Variants in GLI3 observed in about 807,000 individuals in gnomAD.
GLI3 encodes the protein GLI family zinc finger 3.
Under a neutral mutation model 100.8 loss-of-function variants are expected in GLI3, and 20 were observed. That is an observed-to-expected ratio of 0.20 (90% CI 0.14 to 0.29). GLI3 has a LOEUF of 0.29. Among genes scored for constraint, GLI3 ranks in the 10% least tolerant of loss-of-function variants. GLI3 has a pLI of 1.00. For synonymous variants in GLI3, 938 were observed against 860.5 expected (o/e 1.09, Z -1.58); for missense variants, 2,040 against 2,128.5 (o/e 0.96, Z 0.82).
upstream of GLI3, among the ~76,000 whole-genome samples, chr7:42,238,230 G>A (rs906416497): frequency 1.3e-5 from 2 of 151,690 alleles, no homozygotes; most frequent in African/African-American, 4.8e-5. Context: ...CCCCAAATGC[G>A]CGCCCTGGCA....
In GLI3 at chr7:42,102,324, G is replaced by A. The variant is rs1489842671; in HGVS notation, c.368-25467C>T. Among the ~76,000 whole-genome samples the A allele has an allele frequency of 2.0e-5, 3 of 152,194 alleles. No individual in the cohort carries two copies. The East Asian group carries it at 5.8e-4, about 29-fold the overall frequency. On this transcript the variant is annotated intron_variant, in intron 3 of 14. Coordinates refer to ENST00000395925, the MANE Select transcript of GLI3 (RefSeq NM_000168.6). Reference sequence around the variant, plus strand: ...GGGTACCTGGCTCTGATAGCAGACGGCCTCTGCTGAAAGCCTGAGTCCTGA... The same window carrying A: ...GGGTACCTGGCTCTGATAGCAGACGACCTCTGCTGAAAGCCTGAGTCCTGA...
intron 1 of GLI3, among the ~76,000 whole-genome samples, chr7:42,250,701 T>C (rs2128710307): frequency 6.6e-6 from 1 of 152,156 alleles, no homozygotes; most frequent in African/African-American, 2.4e-5. Context: ...CCAACAACTC[T>C]AAAGAGAGGG....
intron 4 of GLI3, among the ~76,000 whole-genome samples, chr7:42,075,466 C>T (rs1784861505): frequency 6.6e-6 from 1 of 152,148 alleles, no homozygotes; most frequent in Non-Finnish European, 1.5e-5. Flanking sequence ...AATTACATGT[C>T]ATGTTTCAGG....
At chr7:42,125,011 C>T (rs917680973) in intron 3 of GLI3, among the ~76,000 whole-genome samples, 1 of 152,192 alleles carries the variant, frequency 6.6e-6, no homozygotes, top group Admixed American at 6.5e-5. Context: ...ATCCCTTCTA[C>T]AGCCAAGCTA....
At chr7:42,219,649 G>A (rs1372970743) in intron 2 of GLI3, among the ~76,000 whole-genome samples, 12 of 152,192 alleles carry the variant, frequency 7.9e-5, no homozygotes, top group Non-Finnish European at 1.5e-4. Context: ...AGGACATGCA[G>A]TGGAATGTGA....
intron 10 of GLI3, among the ~76,000 whole-genome samples, chr7:42,017,957 CA>C (rs909861897): frequency 1.3e-5 from 2 of 152,110 alleles, no homozygotes; most frequent in Non-Finnish European, 2.9e-5. Context: ...GGCTGTTTCA[CA>C]GTATGATAAG....
intron 2 of GLI3, among the ~76,000 whole-genome samples, chr7:42,173,532 C>T (rs973903374): frequency 3.9e-5 from 6 of 152,114 alleles, no homozygotes; most frequent in Non-Finnish European, 7.4e-5. Context: ...TAATATTCTC[C>T]AGTCATTTTT....
intron 13 of GLI3, among the ~76,000 whole-genome samples, chr7:41,971,847 C>T (rs1011806191): frequency 6.6e-6 from 1 of 152,206 alleles, no homozygotes; most frequent in African/African-American, 2.4e-5. Context: ...CCCGACTGAC[C>T]GGCAGTCCGT....
intron 3 of GLI3, among the ~76,000 whole-genome samples, chr7:42,104,097 C>T (rs1229543554): frequency 6.6e-6 from 1 of 152,060 alleles, no homozygotes; most frequent in Admixed American, 6.5e-5. Context: ...AGCATACTTA[C>T]GGTCTCCACT....
At chr7:42,233,958 T>C (rs1174939356) in intron 1 of GLI3, among the ~76,000 whole-genome samples, 1 of 152,108 alleles carries the variant, frequency 6.6e-6, no homozygotes, top group East Asian at 1.9e-4. Flanking sequence ...TGGCAGAAAA[T>C]TTACTGAATC....
At position 42,094,398 on chromosome 7, in the gene GLI3, T is replaced by C. The variant is rs373494892; in HGVS notation, c.368-17541A>G. ...CAGGTGGATCACTTGAGGTCCGGAG[T>C]TCAAGACCAGCCTGGACAACATGGT... On this transcript the variant is annotated intron_variant, in intron 3 of 14. Transcript: ENST00000395925. Among the ~76,000 whole-genome samples the C allele has an allele frequency of 5.9e-4, 89 of 150,710 alleles. 3 individuals carry two copies. In the South Asian group the frequency reaches 0.018, roughly 30 times the overall value.
chr7:42,034,147 T>C (rs1789371519), intron 7 of GLI3, among the ~76,000 whole-genome samples: 1 of 152,206 alleles, frequency 6.6e-6, no homozygotes, highest in African/African-American at 2.4e-5. Context: ...CATGTTAATA[T>C]ATGCATAATC....
chr7:42,091,443 G>A (rs571663141), intron 3 of GLI3, among the ~76,000 whole-genome samples: 1 of 152,308 alleles, frequency 6.6e-6, no homozygotes, highest in Admixed American at 6.5e-5. Context: ...CAGGCAGCAG[G>A]CCCCTAACCA....
chr7:42,072,178 T>C (rs925086425), intron 4 of GLI3, among the ~76,000 whole-genome samples: 2 of 152,142 alleles, frequency 1.3e-5, no homozygotes, highest in Non-Finnish European at 2.9e-5. Context: ...GGCAAGAAGA[T>C]TGGTGGGGCT....
intron 2 of GLI3, among the ~76,000 whole-genome samples, chr7:42,152,995 T>C (rs1165271351): frequency 6.6e-6 from 1 of 152,194 alleles, no homozygotes; most frequent in Non-Finnish European, 1.5e-5. Context: ...TAGACCTCAA[T>C]GGACCGAGTG....
intron 2 of GLI3, among the ~76,000 whole-genome samples, chr7:42,216,262 C>A (rs1260095195): frequency 6.6e-6 from 1 of 152,158 alleles, no homozygotes; most frequent in African/African-American, 2.4e-5. Flanking sequence ...TGAATGTGAG[C>A]AGGGAGCGGG....
intron 2 of GLI3, among the ~76,000 whole-genome samples, chr7:42,213,120 T>C (rs1788303437): frequency 1.3e-5 from 2 of 152,236 alleles, no homozygotes; most frequent in South Asian, 4.1e-4. Flanking sequence ...TGGATTTTTT[T>C]CTCCCATTTT....
At chr7:42,018,904 G>A (rs1263066386) in intron 10 of GLI3, among the ~76,000 whole-genome samples, 3 of 152,122 alleles carry the variant, frequency 2.0e-5, no homozygotes, top group Admixed American at 1.3e-4. Context: ...CTTTCTCTGC[G>A]GTTCTGCCCC....
intron 3 of GLI3, chr7:42,113,530 T>C (rs1785769465): frequency 1.6e-5 from 19 of 1,177,062 alleles, no homozygotes; most frequent in Non-Finnish European, 2.4e-5. Flanking sequence ...AGGGAAAAGC[T>C]GATGCTGGCA....
Sources: allele counts gnomAD v4.1 joint callset (sites outside exome capture counted in the v4.1 genomes callset), GRCh38; gene constraint gnomAD v4.1.1; transcripts MANE v1.5; gene names NCBI Gene and HGNC (gene_info 2026-07-23, HGNC 2026-07-21).